The following GALNT11 variants were observed in gnomAD, a reference collection of about 807,000 sequenced individuals.
GALNT11 encodes the protein polypeptide N-acetylgalactosaminyltransferase 11.
Under a neutral mutation model 72.7 loss-of-function variants are expected in GALNT11, and 47 were observed. The observed-to-expected ratio is 0.65, with a 90% CI of 0.51 to 0.82. GALNT11 has a LOEUF of 0.82. Among genes scored for constraint, GALNT11 ranks in the 40% least tolerant of loss-of-function variants. The pLI is 0.00. For synonymous variants in GALNT11, 270 were observed against 286.6 expected (o/e 0.94, Z 0.58); for missense variants, 677 against 778.4 (o/e 0.87, Z 1.55).
chr7:152,095,585 T>C (rs565447621), intron 2 of GALNT11, among the ~76,000 whole-genome samples: 20 of 152,342 alleles, frequency 1.3e-4, no homozygotes, highest in African/African-American at 3.8e-4. Context: ...CATTTAAAAA[T>C]ATTTTTAAAT....
chr7:152,085,709 G>T (rs2085599955), intron 1 of GALNT11, among the ~76,000 whole-genome samples: 1 of 151,840 alleles, frequency 6.6e-6, no homozygotes, highest in Non-Finnish European at 1.5e-5. Flanking sequence ...TCATATTTGG[G>T]TGTTGGCTTC....
chr7:152,069,990 T>C (rs1365842614), intron 1 of GALNT11, among the ~76,000 whole-genome samples: 100 of 143,390 alleles, frequency 7.0e-4, no homozygotes, highest in African/African-American at 2.9e-3. Context: ...TTTTCTTTTT[T>C]CTTTTTCTTT....
intron 1 of GALNT11, among the ~76,000 whole-genome samples, chr7:152,026,584 T>A (rs573143605): frequency 1.3e-5 from 2 of 152,396 alleles, no homozygotes; most frequent in African/African-American, 2.4e-5. Context: ...CAGATGCATG[T>A]CTGACGGCTT....
intron 1 of GALNT11, among the ~76,000 whole-genome samples, chr7:152,091,908 T>A (rs967527972): frequency 5.9e-5 from 9 of 152,212 alleles, no homozygotes; most frequent in Non-Finnish European, 8.8e-5. Context: ...TAGCTGCTAA[T>A]GGAGTAGCTC....
At chr7:152,100,295 T>C (rs970706207) in intron 2 of GALNT11, among the ~76,000 whole-genome samples, 1 of 151,936 alleles carries the variant, frequency 6.6e-6, no homozygotes, top group Non-Finnish European at 1.5e-5. Flanking sequence ...TGGCCGGGCG[T>C]GGTGTCTCAC....
At chr7:152,100,654 C>T in intron 2 of GALNT11, 144 bp from the exon 3 acceptor site, 3 of 975,152 alleles carry the variant, frequency 3.1e-6, no homozygotes, top group Non-Finnish European at 4.4e-6. Flanking sequence ...AATTTGACTT[C>T]AACCTAGAGA....
intron 1 of GALNT11, among the ~76,000 whole-genome samples, chr7:152,032,514 G>C (rs1484957227): frequency 6.6e-6 from 1 of 152,194 alleles, no homozygotes; most frequent in East Asian, 1.9e-4. Flanking sequence ...TTCGGTTTTT[G>C]TACTCCTAGA....
chr7:152,077,613 A>G (rs946376807), intron 1 of GALNT11, among the ~76,000 whole-genome samples: 5 of 152,168 alleles, frequency 3.3e-5, no homozygotes, highest in African/African-American at 1.2e-4. Flanking sequence ...TCAAATGGTG[A>G]AATGGATTAG....
intron 2 of GALNT11, among the ~76,000 whole-genome samples, chr7:152,099,403 CT>C (rs2086620885): frequency 2.0e-5 from 3 of 150,256 alleles, no homozygotes; most frequent in African/African-American, 7.3e-5. Context: ...AAGTCTTGCT[CT>C]GCAGGCTGGA....
intron 1 of GALNT11, among the ~76,000 whole-genome samples, chr7:152,040,538 AT>A (rs1306403901): frequency 6.6e-6 from 1 of 152,218 alleles, no homozygotes; most frequent in Non-Finnish European, 1.5e-5. Flanking sequence ...CAGCCATTTG[AT>A]TCCCTTCAGT....
intron 5 of GALNT11, chr7:152,107,682 CA>C (rs751294707): frequency 3.3e-5 from 6 of 184,194 alleles, no homozygotes; most frequent in African/African-American, 2.3e-5. Flanking sequence ...GTCATGGCAC[CA>C]AAACATCTTG....
intron 5 of GALNT11, chr7:152,107,127 G>A (rs2087649559): frequency 6.6e-6 from 1 of 152,006 alleles, no homozygotes; most frequent in South Asian, 2.1e-4. Flanking sequence ...AGTAGTTCAT[G>A]TAAAATCTTC....
chr7:152,064,164 T>A (rs2084174625), intron 1 of GALNT11, among the ~76,000 whole-genome samples: 1 of 152,226 alleles, frequency 6.6e-6, no homozygotes, highest in South Asian at 2.1e-4. Flanking sequence ...GCATATATAT[T>A]TAGGGTAGTT....
rs2086225241 is a variant in GALNT11 at position 152,094,187 on chromosome 7, T to C, written c.-38-3T>C. 2 of 1,530,542 alleles carry C rather than the reference T, an allele frequency of 1.3e-6. No individual in the cohort carries two copies. The highest frequency in any genetic ancestry group is 1.8e-6 in the Non-Finnish European group (2 of 1,140,522). 94.8% of individuals were successfully genotyped at this position (1,530,542 alleles called of 1,614,324 possible). A position where few individuals can be genotyped will look rare whatever the true frequency, so the allele number is the denominator to read the frequency against. On this transcript the variant is annotated splice_polypyrimidine_tract_variant and splice_region_variant and intron_variant, in intron 1 of 11. Coordinates refer to ENST00000430044, the MANE Select transcript of GALNT11 (RefSeq NM_022087.4). The surrounding 1 kb of genome is among the most constrained non-coding windows in gnomAD (Gnocchi z 4.3). ...GTCTAACATATTTATTCTTCTTTTTTAGGAAATTGACAATGGCCCTTCAGC... is the reference window on the plus strand; with the variant it reads ...GTCTAACATATTTATTCTTCTTTTTCAGGAAATTGACAATGGCCCTTCAGC...
intron 8 of GALNT11, among the ~76,000 whole-genome samples, chr7:152,114,276 C>T (rs1320054007): frequency 6.6e-6 from 1 of 152,170 alleles, no homozygotes; most frequent in Non-Finnish European, 1.5e-5. Context: ...GATCATCTCC[C>T]CAAAGTCTCC....
chr7:152,051,978 C>T (rs1439375990), intron 1 of GALNT11, among the ~76,000 whole-genome samples: 2 of 152,286 alleles, frequency 1.3e-5, no homozygotes, highest in African/African-American at 4.8e-5. Flanking sequence ...TATTTTGTCA[C>T]TATCACCAAA....
rs546710745 is a variant in GALNT11 at position 152,116,810 on chromosome 7, A to G, written c.1234-347A>G. Reference sequence around the variant, plus strand: ...AGAAAGCAGTGTCACTGTTCTCACTACATTTTGTGTTTGTAATGAGTATTT... The same window carrying G: ...AGAAAGCAGTGTCACTGTTCTCACTGCATTTTGTGTTTGTAATGAGTATTT... On this transcript the variant is annotated intron_variant, in intron 8 of 11. Transcript: ENST00000430044. 55 of 444,950 alleles carry G rather than the reference A, an allele frequency of 1.2e-4. No individual in the cohort carries two copies. The Admixed American group carries it at 1.4e-3, about 12-fold the overall frequency. The allele number at this position is 444,950 out of a possible 1,614,324, so 27.6% of individuals were successfully genotyped here. A position where few individuals can be genotyped will look rare whatever the true frequency, so the allele number is the denominator to read the frequency against.
intron 1 of GALNT11, among the ~76,000 whole-genome samples, chr7:152,080,810 A>AC (rs1230103656): frequency 3.9e-5 from 6 of 151,930 alleles, no homozygotes; most frequent in African/African-American, 1.5e-4. Flanking sequence ...AAAAAAAAAA[A>AC]ACACAAAATA....
chr7:152,081,252 C>T (rs779487498), intron 1 of GALNT11, among the ~76,000 whole-genome samples: 6 of 152,294 alleles, frequency 3.9e-5, no homozygotes, highest in Admixed American at 1.3e-4. Flanking sequence ...TGTAATTTAA[C>T]TACTTCATGG....
Sources: gnomAD v4.1 joint callset for allele counts (sites outside exome capture counted in the v4.1 genomes callset) on GRCh38, gnomAD v4.1.1 for gene constraint, Gnocchi (gnomAD v3.1) non-coding constraint, MANE v1.5 for transcripts, NCBI Gene and HGNC (gene_info 2026-07-23, HGNC 2026-07-21) for gene names.